Variants in DLG2 observed in about 807,000 individuals in gnomAD.
The protein encoded by DLG2 is discs large MAGUK scaffold protein 2, also known as disks large homolog 2.
In DLG2, 45 loss-of-function variants were observed where a neutral mutation model predicts 132.5. The ratio of observed to expected loss-of-function variants is 0.34; its 90% CI spans 0.27 to 0.44. DLG2 has a LOEUF of 0.44. Ranked by LOEUF, DLG2 falls within the 20% of genes least tolerant of loss-of-function variation. The probability of loss-of-function intolerance (pLI) is 1.00; values close to 1 mark genes in which losing one functional copy is unlikely to be tolerated. For missense variants in DLG2, 1,045 were observed against 1,196.9 expected, an observed-to-expected ratio of 0.87 and a Z score of 1.87; for synonymous variants, 424 against 419.6, an observed-to-expected ratio of 1.01 and a Z score of -0.13.
At chr11:83,657,873 C>G (rs2073135024) in intron 18 of DLG2, among the ~76,000 whole-genome samples, 1 of 152,156 alleles carries the variant, frequency 6.6e-6, no homozygotes, top group Non-Finnish European at 1.5e-5. Flanking sequence ...TTCTTGCTAC[C>G]AAAGCATTGG....
At chr11:84,410,449 G>C (rs2154457356) in intron 7 of DLG2, among the ~76,000 whole-genome samples, 1 of 151,952 alleles carries the variant, frequency 6.6e-6, no homozygotes, top group African/African-American at 2.4e-5. Flanking sequence ...CCTTGTGACT[G>C]GAAAGTCATC....
chr11:84,373,248 T>TAAAAAAAAAAAA (rs2098713303), intron 7 of DLG2, among the ~76,000 whole-genome samples: 1 of 1,432 alleles, frequency 7.0e-4, no homozygotes, highest in Non-Finnish European at 1.3e-3. Flanking sequence ...TAAGAAACAG[T>TAAAAAAAAAAAA]CAAAAAAAAA....
chr11:83,851,892 C>T (rs1238737290), intron 16 of DLG2, among the ~76,000 whole-genome samples: 3 of 151,222 alleles, frequency 2.0e-5, no homozygotes, highest in Non-Finnish European at 4.4e-5. Context: ...GAACTCCAGC[C>T]TGGGTGACAG....
chr11:85,623,573 G>A (rs753089036), intron 2 of DLG2, among the ~76,000 whole-genome samples: 2 of 152,158 alleles, frequency 1.3e-5, no homozygotes, highest in Non-Finnish European at 2.9e-5. Flanking sequence ...AAAGTGCTGG[G>A]ATTACAGGCG....
At chr11:85,367,885 T>C (rs967364912) in intron 3 of DLG2, among the ~76,000 whole-genome samples, 1 of 152,182 alleles carries the variant, frequency 6.6e-6, no homozygotes, top group Non-Finnish European at 1.5e-5. Flanking sequence ...CAAATCTTTC[T>C]TGGAACTTTT....
chr11:85,559,839 GATA>G (rs2077139064), intron 3 of DLG2, among the ~76,000 whole-genome samples: 1 of 151,096 alleles, frequency 6.6e-6, no homozygotes, highest in African/African-American at 2.4e-5. Flanking sequence ...TAGATAGATA[GATA>G]GATAGATAGA....
intron 6 of DLG2, among the ~76,000 whole-genome samples, chr11:84,700,224 T>C (rs2059075129): frequency 6.6e-6 from 1 of 151,608 alleles, no homozygotes; most frequent in South Asian, 2.1e-4. Flanking sequence ...TTATAAATTA[T>C]AGCATCAAGA....
chr11:85,555,899 C>T (rs1381493079), intron 3 of DLG2, among the ~76,000 whole-genome samples: 2 of 151,872 alleles, frequency 1.3e-5, no homozygotes, highest in Non-Finnish European at 2.9e-5. Context: ...ATTGTCTATA[C>T]CTCCCATTTC....
intron 16 of DLG2, 36 bp downstream of exon 16, chr11:83,874,384 C>G: frequency 1.4e-6 from 2 of 1,461,580 alleles, no homozygotes; most frequent in African/African-American, 2.8e-5. Flanking sequence ...TATTCCAAGG[C>G]TGCACAGTTT....
At chr11:85,191,099 G>C (rs1050250429) in intron 4 of DLG2, among the ~76,000 whole-genome samples, 27 of 151,696 alleles carry the variant, frequency 1.8e-4, no homozygotes, top group African/African-American at 6.5e-4. Flanking sequence ...CAATAGCAAA[G>C]ACATGGAATC....
intron 3 of DLG2, among the ~76,000 whole-genome samples, chr11:85,320,511 A>C (rs1383660496): frequency 6.6e-6 from 1 of 151,932 alleles, no homozygotes; most frequent in Non-Finnish European, 1.5e-5. Flanking sequence ...TAGTCTAATA[A>C]AGCTCACATT....
chr11:83,758,643 C>T (rs1047567762), intron 18 of DLG2, among the ~76,000 whole-genome samples: 1 of 152,080 alleles, frequency 6.6e-6, no homozygotes, highest in African/African-American at 2.4e-5. Flanking sequence ...GTAACTATCT[C>T]ATAGGCATGC....
chr11:83,556,355 T>G (rs1287383668), intron 19 of DLG2, among the ~76,000 whole-genome samples: 2 of 150,182 alleles, frequency 1.3e-5, no homozygotes, highest in African/African-American at 4.9e-5. Flanking sequence ...ATATACATAT[T>G]TTCAGTTTTG....
rs138126507 is a variant in DLG2, at chr11:84,148,171, T to G, written c.624+15290A>C. Among the ~76,000 whole-genome samples, 406 of 152,296 alleles carry G rather than the reference T, an allele frequency of 2.7e-3. 2 individuals carry two copies. The highest frequency in any genetic ancestry group is 9.3e-3 in the African/African-American group (388 of 41,558). On this transcript the variant is annotated intron_variant, in intron 9 of 27. Transcript: ENST00000376104. The stretch of plus-strand genomic sequence containing the variant: ...TTGTTTTATAATAAAAAAAATCTTC[T>G]AAATTTGATATTTCTGATTTTTCCT...
intron 6 of DLG2, among the ~76,000 whole-genome samples, chr11:84,574,699 A>C (rs1157410617): frequency 6.6e-6 from 1 of 152,162 alleles, no homozygotes; most frequent in East Asian, 1.9e-4. Flanking sequence ...ATAGCATTCC[A>C]CATTTTCTGA....
intron 6 of DLG2, among the ~76,000 whole-genome samples, chr11:84,652,513 C>T (rs943687114): frequency 6.6e-6 from 1 of 152,058 alleles, no homozygotes; most frequent in African/African-American, 2.4e-5. Flanking sequence ...CAGCTTTTGA[C>T]ATTTGAAATC....
intron 7 of DLG2, among the ~76,000 whole-genome samples, chr11:84,290,088 C>T (rs115018306): frequency 2.6e-3 from 403 of 152,154 alleles, no homozygotes; most frequent in African/African-American, 8.7e-3. Flanking sequence ...GTATCTATAG[C>T]GCTGAAATAA....
chr11:84,404,571 C>T (rs975090368), intron 7 of DLG2, among the ~76,000 whole-genome samples: 8 of 152,042 alleles, frequency 5.3e-5, no homozygotes, highest in African/African-American at 1.2e-4. Flanking sequence ...TAGGTAAATA[C>T]GTGTCTAGTA....
intron 5 of DLG2, among the ~76,000 whole-genome samples, chr11:85,119,768 A>G (rs2074087578): frequency 6.6e-6 from 1 of 152,076 alleles, no homozygotes; most frequent in Non-Finnish European, 1.5e-5. Context: ...CTTTGAAGAA[A>G]GAAATGCCAT....
Sources: allele counts gnomAD v4.1 joint callset (sites outside exome capture counted in the v4.1 genomes callset), GRCh38; gene constraint gnomAD v4.1.1; transcripts MANE v1.5; gene names NCBI Gene and HGNC (gene_info 2026-07-23, HGNC 2026-07-21).